Variants in HMCN1 observed in about 807,000 individuals in gnomAD.
HMCN1 encodes hemicentin 1, also known as hemicentin-1.
Under a neutral mutation model 625.9 loss-of-function variants are expected in HMCN1, and 321 were observed. That is an observed-to-expected ratio of 0.51 (90% CI 0.47 to 0.56). HMCN1 has a LOEUF of 0.56. Ranked by LOEUF, HMCN1 falls within the 20% of genes least tolerant of loss-of-function variation. The pLI is 0.00. For synonymous variants in HMCN1, 2,425 were observed against 2,417.6 expected, an observed-to-expected ratio of 1.00 and a Z score of -0.09; for missense variants, 6,588 against 6,887.3, an observed-to-expected ratio of 0.96 and a Z score of 1.54.
rs774106140 is a variant in HMCN1, at chr1:186,187,883, A to G, written c.16415A>G (p.Asp5472Gly). 1 of 1,613,534 alleles carries G rather than the reference A, an allele frequency of 6.2e-7. No homozygotes were observed. Among genetic ancestry groups the G allele is most frequent in the Non-Finnish European group, 8.5e-7 (1 of 1,179,710 alleles). Reference sequence around the variant, plus strand: ...TGCATGTTCCCTGTGCTGTCCCTAGATATCGATGAATGTCTGGAGCAGAAT... The same window carrying G: ...TGCATGTTCCCTGTGCTGTCCCTAGGTATCGATGAATGTCTGGAGCAGAAT... ...QLTHNGKTCQ[D>G]IDECLEQNVH... The change falls in exon 106 of 107, where the codon GAT becomes GGT. Residue 5472 changes from aspartate (D) to glycine (G), a missense_variant and splice_region_variant. By Grantham distance (94) the Asp-to-Gly change is moderately conservative (BLOSUM62 -1). This residue lies in a region of HMCN1 where 1,954 missense variants were observed against 2,013.1 expected (regional missense o/e 0.97). Transcript: ENST00000271588.
intron 4 of HMCN1, among the ~76,000 whole-genome samples, chr1:185,883,879 A>AT (rs1205211897): frequency 0.028 from 1,582 of 55,766 alleles, 72 homozygotes; most frequent in Non-Finnish European, 0.034. Flanking sequence ...ATAGGTCATG[A>AT]TTTTTTTTTT....
At chr1:186,137,381 C>G (rs1170498698) in intron 87 of HMCN1, 117 bp from the exon 88 acceptor site, 10 of 1,178,706 alleles carry the variant, frequency 8.5e-6, no homozygotes, top group Non-Finnish European at 1.1e-5. Context: ...AGCTTCCATA[C>G]GCTATTTCTC....
chr1:185,916,343 A>T (rs73062164), intron 6 of HMCN1, among the ~76,000 whole-genome samples: 16,420 of 152,102 alleles, frequency 0.11, 2,878 homozygotes, highest in African/African-American at 0.37. Flanking sequence ...CATTACTTAA[A>T]GTCTTTTTGT....
At chr1:185,949,272 G>A (rs1016744655) in intron 11 of HMCN1, among the ~76,000 whole-genome samples, 5 of 151,768 alleles carry the variant, frequency 3.3e-5, no homozygotes, top group Non-Finnish European at 7.4e-5. Context: ...ATATGAGTAT[G>A]ACTAGACAGA....
At chr1:186,159,792 C>T (rs1651309657) in intron 97 of HMCN1, among the ~76,000 whole-genome samples, 1 of 152,142 alleles carries the variant, frequency 6.6e-6, no homozygotes. Context: ...GGTGGATAAG[C>T]TTTTTGATGC....
chr1:185,963,241 T>G (rs1650155528), intron 12 of HMCN1, among the ~76,000 whole-genome samples: 1 of 152,146 alleles, frequency 6.6e-6, no homozygotes, highest in Non-Finnish European at 1.5e-5. Context: ...TACTCTGGGT[T>G]TGGCAGTGAA....
chr1:185,781,015 T>A (rs1008152170), intron 1 of HMCN1, among the ~76,000 whole-genome samples: 1 of 152,204 alleles, frequency 6.6e-6, no homozygotes, highest in African/African-American at 2.4e-5. Context: ...AATTATTGCC[T>A]CAATTTCAGA....
In HMCN1 at chr1:186,090,872, T is replaced by G. The variant is rs2102410774; in HGVS notation, c.9842T>G (p.Leu3281Arg). 6.2e-7 allele frequency: 1 copy of G among 1,612,494 alleles called. No individual in the cohort carries two copies. Among genetic ancestry groups the G allele is most frequent in the Non-Finnish European group, 8.5e-7 (1 of 1,178,886 alleles). The change falls in exon 64 of 107, where the codon CTT becomes CGT. Residue 3281 changes from leucine to arginine, a missense_variant. Physicochemically the swap from Leu to Arg is moderately radical, Grantham distance 102. Transcript: ENST00000271588. Reference sequence around the variant, plus strand: ...ATTCCTACTCCACTTATTCAATGGCTTAAAGATGGAAAGCCCATAGCTAGT... The same window carrying G: ...ATTCCTACTCCACTTATTCAATGGCGTAAAGATGGAAAGCCCATAGCTAGT... ...NGIPTPLIQW[L>R]KDGKPIASGE...
chr1:185,884,263 A>G (rs1456807712), intron 4 of HMCN1, among the ~76,000 whole-genome samples: 1 of 151,826 alleles, frequency 6.6e-6, no homozygotes, highest in African/African-American at 2.4e-5. Flanking sequence ...TATCTCATGT[A>G]ATTTTTCCTT....
At position 186,128,155 on chromosome 1, in the gene HMCN1, G is replaced by A. The variant is rs1003812117; in HGVS notation, c.12768G>A (p.Val4256=). Residue 4256 remains valine (V), a synonymous_variant, in exon 83 of 107, where the codon GTG becomes GTA. Coordinates refer to ENST00000271588, the MANE Select transcript of HMCN1 (RefSeq NM_031935.3). The stretch of plus-strand genomic sequence containing the variant: ...ATACACACACTGTCAGCCTGACTGT[G>A]CATGTTCTCCCCACTTTTACTGAAC... ...GEDTHTVSLT[V]HVLPTFTELP... is the part of the protein sequence containing the mutation. The A allele has an allele frequency of 6.2e-7, 1 of 1,613,658 alleles. No homozygotes were observed.
Position 186,153,813 on chromosome 1 carries a change from T to C in HMCN1, c.15082T>C (p.Phe5028Leu). 4 of 1,614,166 alleles carry C rather than the reference T, an allele frequency of 2.5e-6. No homozygotes were observed. Among genetic ancestry groups the C allele is most frequent in the Non-Finnish European group, 1.7e-6 (2 of 1,180,010 alleles). Residue 5028 changes from phenylalanine to leucine, a missense_variant, in exon 97 of 107, where the codon TTC becomes CTC. Phe to Leu is a conservative substitution (Grantham distance 22). Around this residue, in one of 3 missense-constraint regions of HMCN1, gnomAD observed 1,954 missense variants for 2,013.1 expected, o/e 0.97. Transcript: ENST00000271588. ...GCTGTACGCCTACTCAACCCGGCTG[T>C]TCACCATTGATGGCATCAGCATCCC... ...GQLYAYSTRL[F>L]TIDGISIPYT...
intron 1 of HMCN1, among the ~76,000 whole-genome samples, chr1:185,839,036 A>T (rs919039887): frequency 2.0e-5 from 3 of 152,224 alleles, no homozygotes; most frequent in South Asian, 2.1e-4. Context: ...AAAGTGCTGC[A>T]TACATTTGTT....
chr1:185,926,014 A>G (rs1667257761), intron 9 of HMCN1, among the ~76,000 whole-genome samples: 1 of 152,204 alleles, frequency 6.6e-6, no homozygotes, highest in Non-Finnish European at 1.5e-5. Flanking sequence ...GGCTAGAGGC[A>G]CCGACTTTTC....
chr1:185,797,443 AGG>A (rs1658463555), intron 1 of HMCN1, among the ~76,000 whole-genome samples: 1 of 152,216 alleles, frequency 6.6e-6, no homozygotes, highest in Non-Finnish European at 1.5e-5. Flanking sequence ...TAGCTGGGAC[AGG>A]TGTGTGCTAC....
intron 38 of HMCN1, among the ~76,000 whole-genome samples, chr1:186,039,390 G>A (rs1280934119): frequency 6.6e-6 from 1 of 151,580 alleles, no homozygotes; most frequent in African/African-American, 2.4e-5. Flanking sequence ...AGTGAAGGGG[G>A]TACACACTTG....
intron 16 of HMCN1, among the ~76,000 whole-genome samples, chr1:185,978,729 G>A (rs1369322296): frequency 6.6e-6 from 1 of 152,062 alleles, no homozygotes; most frequent in Non-Finnish European, 1.5e-5. Flanking sequence ...TGCCCAGGCT[G>A]GAGTGCAGTG....
chr1:185,865,100 G>A (rs1405987599), intron 3 of HMCN1, among the ~76,000 whole-genome samples: 1 of 152,210 alleles, frequency 6.6e-6, no homozygotes, highest in African/African-American at 2.4e-5. Flanking sequence ...TTGCTCACTG[G>A]TGTGTCTAGG....
At position 186,065,594 on chromosome 1, in the gene HMCN1, TAATTTATGAC is replaced by T. The variant is rs1465174407; in HGVS notation, c.7705+167_7705+176del. On this transcript the variant is annotated intron_variant, in intron 49 of 106. Transcript: ENST00000271588. ...ATTTTTCCTGAATTAATTTATAAAT[TAATTTATGAC>T]ATATGGAATACCTACTATGTTCTAG... 5.9e-5 allele frequency among the ~76,000 whole-genome samples: 9 copies of T among 152,222 alleles called. No homozygotes were observed. The East Asian group carries it at 1.7e-3, about 29-fold the overall frequency.
intron 11 of HMCN1, among the ~76,000 whole-genome samples, chr1:185,937,886 AAT>A: frequency 1.9e-5 from 2 of 104,018 alleles, no homozygotes; most frequent in African/African-American, 1.3e-4. Context: ...ATCTCAAAAT[AAT>A]AATAATAATA....
Sources: allele counts gnomAD v4.1 joint callset (sites outside exome capture counted in the v4.1 genomes callset), GRCh38; gene constraint gnomAD v4.1.1; regional missense constraint gnomAD v4.1.1; transcripts MANE v1.5; gene names NCBI Gene and HGNC (gene_info 2026-07-23, HGNC 2026-07-21).